Variants in KIAA1549L observed in about 807,000 individuals in gnomAD.
KIAA1549L encodes KIAA1549 like, also known as UPF0606 protein KIAA1549L.
Under a neutral mutation model 160.7 loss-of-function variants are expected in KIAA1549L, and 88 were observed. That is an observed-to-expected ratio of 0.55 (90% CI 0.46 to 0.65). The LOEUF (loss-of-function observed/expected upper bound fraction) is 0.65. KIAA1549L is among the 30% of genes least tolerant of loss of function. KIAA1549L has a pLI of 0.00. For missense variants in KIAA1549L, 2,258 were observed against 2,437.5 expected (o/e 0.93, Z 1.55); for synonymous variants, 950 against 976.7 (o/e 0.97, Z 0.51).
intron 1 of KIAA1549L, among the ~76,000 whole-genome samples, chr11:33,480,520 C>T (rs1182429590): frequency 6.6e-6 from 1 of 152,144 alleles, no homozygotes. Context: ...TTTCATTTCT[C>T]TTTGGTGTAT....
chr11:33,405,007 CAAA>C (rs35549544), intron 1 of KIAA1549L, among the ~76,000 whole-genome samples: 2 of 109,272 alleles, frequency 1.8e-5, no homozygotes, highest in Non-Finnish European at 1.8e-5. Flanking sequence ...GACTCTGTCT[CAAA>C]AAAAAAAAAA....
intron 15 of KIAA1549L, among the ~76,000 whole-genome samples, chr11:33,616,323 G>A (rs546016943): frequency 6.6e-6 from 1 of 152,178 alleles, no homozygotes; most frequent in Non-Finnish European, 1.5e-5. Context: ...CCAATACCAA[G>A]AGAACGCCTC....
In KIAA1549L at chr11:33,574,682, G is replaced by A. The variant is rs368727024; in HGVS notation, c.4231-20G>A. 1.7e-5 allele frequency: 28 copies of A among 1,600,498 alleles called. No homozygotes were observed. Among genetic ancestry groups the A allele is most frequent in the Admixed American group, 3.4e-5 (2 of 59,026 alleles). ...CATGCAAAATGCCCTGCAAACACTC[G>A]GCCTCTCTTTTTCCGAAAGATGGTG... On this transcript the variant is annotated intron_variant, in intron 9 of 20. Coordinates refer to ENST00000658780, the MANE Select transcript of KIAA1549L (RefSeq NM_012194.3).
chr11:33,507,889 C>T (rs903470244), intron 1 of KIAA1549L, among the ~76,000 whole-genome samples: 1 of 152,138 alleles, frequency 6.6e-6, no homozygotes, highest in African/African-American at 2.4e-5. Flanking sequence ...ATTTATTATA[C>T]GTGTTAGTAC....
At chr11:33,645,072 G>A (rs560204313) in intron 16 of KIAA1549L, among the ~76,000 whole-genome samples, 67 of 152,380 alleles carry the variant, frequency 4.4e-4, no homozygotes, top group African/African-American at 1.5e-3. Flanking sequence ...TTCTAGATCA[G>A]TAGATTTCAA....
intron 20 of KIAA1549L, among the ~76,000 whole-genome samples, chr11:33,667,518 A>G (rs1852509644): frequency 6.6e-6 from 1 of 151,740 alleles, no homozygotes; most frequent in Non-Finnish European, 1.5e-5. Context: ...TCAGCCTCCC[A>G]AGTAGCTGGG....
At chr11:33,532,330 C>T (rs772794183) in intron 1 of KIAA1549L, among the ~76,000 whole-genome samples, 6 of 152,208 alleles carry the variant, frequency 3.9e-5, no homozygotes, top group Non-Finnish European at 8.8e-5. Context: ...GACTGGAACC[C>T]TGGTCCTCTG....
intron 1 of KIAA1549L, among the ~76,000 whole-genome samples, chr11:33,528,411 A>C (rs1225747153): frequency 1.3e-5 from 2 of 152,264 alleles, no homozygotes. Flanking sequence ...TATAGAAAAC[A>C]GTATGGAGAT....
chr11:33,425,658 A>T (rs1190935859), intron 1 of KIAA1549L, among the ~76,000 whole-genome samples: 1 of 152,232 alleles, frequency 6.6e-6, no homozygotes, highest in African/African-American at 2.4e-5. Context: ...ACGTAGATGA[A>T]AACATCTGCT....
intron 1 of KIAA1549L, among the ~76,000 whole-genome samples, chr11:33,406,808 G>A (rs938004620): frequency 1.3e-5 from 2 of 152,194 alleles, no homozygotes; most frequent in African/African-American, 2.4e-5. Context: ...CATTTTTGGG[G>A]TAACAGTTTT....
At chr11:33,661,054 T>G (rs1432073634) in intron 20 of KIAA1549L, 40 bp downstream of exon 20, 5 of 1,552,582 alleles carry the variant, frequency 3.2e-6, no homozygotes, top group Middle Eastern at 1.7e-4. Flanking sequence ...CTTTACCTGC[T>G]TAACACATGC....
chr11:33,501,387 G>T (rs1369537060), intron 1 of KIAA1549L, among the ~76,000 whole-genome samples: 13 of 152,190 alleles, frequency 8.5e-5, no homozygotes, highest in Admixed American at 8.5e-4. Context: ...GTCCAAAGTT[G>T]TTATTCAGTC....
At chr11:33,481,211 T>G (rs1565153754) in intron 1 of KIAA1549L, among the ~76,000 whole-genome samples, 1 of 152,250 alleles carries the variant, frequency 6.6e-6, no homozygotes, top group Non-Finnish European at 1.5e-5. Context: ...TTACATGTGC[T>G]ACTTTGAGTA....
chr11:33,449,036 A>G (rs572392577), intron 1 of KIAA1549L, among the ~76,000 whole-genome samples: 6 of 152,322 alleles, frequency 3.9e-5, no homozygotes, highest in East Asian at 1.9e-4. Flanking sequence ...TTTTGTTTCT[A>G]TTGAAAAAGT....
intron 1 of KIAA1549L, among the ~76,000 whole-genome samples, chr11:33,458,050 G>A (rs11032279): frequency 1.3e-5 from 2 of 152,168 alleles, no homozygotes; most frequent in Non-Finnish European, 2.9e-5. Flanking sequence ...CAGTGTGCAC[G>A]CTCTGAGGCC....
chr11:33,520,925 G>T (rs1226441781), intron 1 of KIAA1549L, among the ~76,000 whole-genome samples: 1 of 152,094 alleles, frequency 6.6e-6, no homozygotes, highest in Non-Finnish European at 1.5e-5. Context: ...CATTTTGGGA[G>T]GCTGAGGCAG....
At chr11:33,432,242 C>T (rs1851264612) in intron 1 of KIAA1549L, among the ~76,000 whole-genome samples, 1 of 152,172 alleles carries the variant, frequency 6.6e-6, no homozygotes, top group African/African-American at 2.4e-5. Flanking sequence ...AAAGTAGGAG[C>T]CCAGGCAGAG....
intron 1 of KIAA1549L, among the ~76,000 whole-genome samples, chr11:33,459,910 G>A (rs1486090618): frequency 7.6e-6 from 1 of 130,858 alleles, no homozygotes; most frequent in South Asian, 2.7e-4. Flanking sequence ...GCAGTGAGCC[G>A]AGATCCCGCC....
At chr11:33,584,339 C>T (rs1288471285) in intron 11 of KIAA1549L, among the ~76,000 whole-genome samples, 1 of 152,192 alleles carries the variant, frequency 6.6e-6, no homozygotes, top group Non-Finnish European at 1.5e-5. Context: ...TCTTCAGAGG[C>T]CACCATGATG....
Sources: allele counts gnomAD v4.1 joint callset (sites outside exome capture counted in the v4.1 genomes callset), GRCh38; gene constraint gnomAD v4.1.1; transcripts MANE v1.5; gene names NCBI Gene and HGNC (gene_info 2026-07-23, HGNC 2026-07-21).